The following PLCL1 variants were observed in gnomAD, a reference collection of about 807,000 sequenced individuals.
The protein encoded by PLCL1 is phospholipase C like 1 (inactive), also known as inactive phospholipase C-like protein 1.
Under a neutral mutation model 84.4 loss-of-function variants are expected in PLCL1, and 41 were observed. That is an observed-to-expected ratio of 0.49 (90% confidence interval 0.38 to 0.63). PLCL1 has a LOEUF of 0.63. PLCL1 is among the 30% of genes least tolerant of loss of function. The pLI is 0.00. For synonymous variants in PLCL1, 490 were observed against 488.3 expected, an observed-to-expected ratio of 1.00 and a Z score of -0.05; for missense variants, 1,206 against 1,367.8, an observed-to-expected ratio of 0.88 and a Z score of 1.87.
chr2:197,814,911 A>G (rs1406755441), intron 1 of PLCL1, among the ~76,000 whole-genome samples: 8 of 152,156 alleles, frequency 5.3e-5, no homozygotes, highest in African/African-American at 1.9e-4. Flanking sequence ...GGGGCGAGGA[A>G]GCTGTGGAAG....
At chr2:198,046,545 C>CA (rs1212378827) in intron 1 of PLCL1, among the ~76,000 whole-genome samples, 1 of 152,124 alleles carries the variant, frequency 6.6e-6, no homozygotes, top group Non-Finnish European at 1.5e-5. Context: ...ATGATAGTAT[C>CA]AAAAAACCCT....
At chr2:197,807,081 C>T (rs1690501404) in intron 1 of PLCL1, among the ~76,000 whole-genome samples, 1 of 151,972 alleles carries the variant, frequency 6.6e-6, no homozygotes, top group South Asian at 2.1e-4. Flanking sequence ...TGGTAAATGG[C>T]CTTTAAAATT....
At chr2:197,859,883 A>T (rs1170197141) in intron 1 of PLCL1, among the ~76,000 whole-genome samples, 3 of 152,116 alleles carry the variant, frequency 2.0e-5, no homozygotes, top group East Asian at 1.9e-4. Flanking sequence ...CTTTTAAAAA[A>T]TTTTTTTAAG....
chr2:197,830,638 C>G (rs983346688), intron 1 of PLCL1, among the ~76,000 whole-genome samples: 7 of 152,226 alleles, frequency 4.6e-5, no homozygotes, highest in Middle Eastern at 3.4e-3. Flanking sequence ...CCTAGCAAGA[C>G]AGGCCAACAT....
intron 1 of PLCL1, among the ~76,000 whole-genome samples, chr2:197,849,783 A>T (rs1002341627): frequency 3.9e-5 from 6 of 152,172 alleles, no homozygotes; most frequent in Non-Finnish European, 7.4e-5. Context: ...AACTGAGCAC[A>T]TCTCCTTTAG....
At chr2:197,806,202 CA>C (rs1197588162) in intron 1 of PLCL1, among the ~76,000 whole-genome samples, 2 of 152,054 alleles carry the variant, frequency 1.3e-5, no homozygotes, top group Non-Finnish European at 2.9e-5. Context: ...AGTAATCAAT[CA>C]AATGTATGTC....
chr2:197,980,001 G>A (rs1044531086), intron 1 of PLCL1, among the ~76,000 whole-genome samples: 6 of 152,114 alleles, frequency 3.9e-5, no homozygotes, highest in African/African-American at 7.2e-5. Context: ...GGCTGTATAG[G>A]GATGTAAAAA....
chr2:198,007,859 G>A (rs1009926204), intron 1 of PLCL1, among the ~76,000 whole-genome samples: 1 of 152,096 alleles, frequency 6.6e-6, no homozygotes, highest in Non-Finnish European at 1.5e-5. Context: ...TATGCAATTA[G>A]ATAATAATTT....
At chr2:197,893,104 T>A (rs1302556323) in intron 1 of PLCL1, among the ~76,000 whole-genome samples, 1 of 152,230 alleles carries the variant, frequency 6.6e-6, no homozygotes, top group African/African-American at 2.4e-5. Flanking sequence ...CACCATTGCT[T>A]ATTTCTTGGT....
chr2:198,095,578 G>T (rs970451097), intron 3 of PLCL1, among the ~76,000 whole-genome samples: 2 of 152,144 alleles, frequency 1.3e-5, no homozygotes, highest in Non-Finnish European at 2.9e-5. Context: ...CAGATCTTGT[G>T]CTTCAGCAGC....
intron 1 of PLCL1, among the ~76,000 whole-genome samples, chr2:197,960,874 T>C (rs974895960): frequency 1.3e-5 from 2 of 152,114 alleles, no homozygotes; most frequent in African/African-American, 4.8e-5. Context: ...TTATTATGGT[T>C]TCTCTAGAAG....
At chr2:197,933,425 A>G (rs189933331) in intron 1 of PLCL1, among the ~76,000 whole-genome samples, 1 of 151,892 alleles carries the variant, frequency 6.6e-6, no homozygotes, top group African/African-American at 2.4e-5. Flanking sequence ...CACGACGCCC[A>G]GCTAATTTTT....
chr2:197,844,927 G>A (rs1403872849), intron 1 of PLCL1, among the ~76,000 whole-genome samples: 1 of 152,060 alleles, frequency 6.6e-6, no homozygotes, highest in African/African-American at 2.4e-5. Flanking sequence ...AGGAAGATGA[G>A]AGATGGAGAT....
chr2:197,959,758 A>G (rs1689571652), intron 1 of PLCL1, among the ~76,000 whole-genome samples: 1 of 152,072 alleles, frequency 6.6e-6, no homozygotes. Flanking sequence ...ACAACAACAA[A>G]CAAGTGATGA....
intron 1 of PLCL1, among the ~76,000 whole-genome samples, chr2:197,958,264 G>A (rs981237397): frequency 1.3e-5 from 2 of 151,756 alleles, no homozygotes; most frequent in African/African-American, 2.4e-5. Flanking sequence ...TTATAAAGCA[G>A]GGGTGTCTAA....
intron 1 of PLCL1, among the ~76,000 whole-genome samples, chr2:197,832,517 A>G (rs1001320523): frequency 2.0e-5 from 3 of 152,204 alleles, no homozygotes; most frequent in Non-Finnish European, 2.9e-5. Context: ...TTAATAACCT[A>G]CCAACCAAAA....
intron 1 of PLCL1, among the ~76,000 whole-genome samples, chr2:197,970,354 C>T (rs1429575458): frequency 1.3e-5 from 2 of 152,176 alleles, no homozygotes; most frequent in South Asian, 4.1e-4. Context: ...AGAGTGCAGT[C>T]CCCATGACCT....
intron 1 of PLCL1, among the ~76,000 whole-genome samples, chr2:197,879,195 A>G (rs1331057921): frequency 1.3e-5 from 2 of 152,168 alleles, no homozygotes; most frequent in Non-Finnish European, 2.9e-5. Context: ...CTGATTAATA[A>G]CCAGGTTTTG....
chr2:198,099,051 C>T (rs1693266672), intron 3 of PLCL1, among the ~76,000 whole-genome samples: 1 of 152,066 alleles, frequency 6.6e-6, no homozygotes, highest in African/African-American at 2.4e-5. Context: ...GTGACAGAAC[C>T]AGAGAAAAGC....
Sources: allele counts gnomAD v4.1 joint callset (sites outside exome capture counted in the v4.1 genomes callset), GRCh38; gene constraint gnomAD v4.1.1; transcripts MANE v1.5; gene names NCBI Gene and HGNC (gene_info 2026-07-23, HGNC 2026-07-21).